Variants in LNX1 observed in about 807,000 individuals in gnomAD.
The protein encoded by LNX1 is E3 ubiquitin-protein ligase LNX.
Under a neutral mutation model 68.4 loss-of-function variants are expected in LNX1, and 54 were observed. That is an observed-to-expected ratio of 0.79 (90% CI 0.63 to 0.99). The LOEUF (loss-of-function observed/expected upper bound fraction) is 0.99, where lower values mean the gene tolerates loss of function less well. Ranked by LOEUF, LNX1 falls within the 50% of genes least tolerant of loss-of-function variation. The pLI is 0.00. For missense variants in LNX1, 906 were observed against 926.4 expected (o/e 0.98, Z 0.29); for synonymous variants, 336 against 350.0 (o/e 0.96, Z 0.45).
At chr4:53,503,361 A>G (rs1725640801) in intron 4 of LNX1, among the ~76,000 whole-genome samples, 1 of 152,266 alleles carries the variant, frequency 6.6e-6, no homozygotes, top group Admixed American at 6.5e-5. Context: ...TATTTCTTAA[A>G]TAATGAGACT....
chr4:53,586,099 G>C (rs1732154419), intron 1 of LNX1, among the ~76,000 whole-genome samples: 1 of 151,836 alleles, frequency 6.6e-6, no homozygotes, highest in Non-Finnish European at 1.5e-5. Flanking sequence ...GATGCTTTCA[G>C]AGATGACTGT....
chr4:53,589,576 T>C (rs1732379943), intron 1 of LNX1, among the ~76,000 whole-genome samples: 1 of 152,228 alleles, frequency 6.6e-6, no homozygotes, highest in African/African-American at 2.4e-5. Context: ...ATTAGCTACC[T>C]CATTTACTTC....
chr4:53,538,653 T>C (rs1487578510), intron 2 of LNX1, among the ~76,000 whole-genome samples: 5 of 152,334 alleles, frequency 3.3e-5, no homozygotes, highest in Middle Eastern at 3.4e-3. Context: ...CCATGTAGCC[T>C]GAGTCTCACT....
In LNX1 at chr4:53,493,192, C is replaced by T. The variant is rs542331195; in HGVS notation, c.1350+2831G>A. 2.2e-3 allele frequency among the ~76,000 whole-genome samples: 334 copies of T among 152,274 alleles called. 2 individuals carry two copies. Among genetic ancestry groups the T allele is most frequent in the African/African-American group, 7.7e-3 (320 of 41,546 alleles). ...CCATGTTGGCCAGGCTGGTCTCGAACTACTGACCTCATGATCTGCCTGCCT... is the reference window on the plus strand; with the variant it reads ...CCATGTTGGCCAGGCTGGTCTCGAATTACTGACCTCATGATCTGCCTGCCT... On this transcript the variant is annotated intron_variant, in intron 6 of 10. Coordinates refer to ENST00000263925, the MANE Select transcript of LNX1 (RefSeq NM_001126328.3).
chr4:53,642,707 C>G (rs1373144791), intron 1 of LNX1, among the ~76,000 whole-genome samples: 1 of 152,184 alleles, frequency 6.6e-6, no homozygotes, highest in African/African-American at 2.4e-5. Context: ...CTCTACTCAC[C>G]AAAATCAGCA....
intron 9 of LNX1, among the ~76,000 whole-genome samples, chr4:53,469,967 G>C (rs548360282): frequency 6.6e-6 from 1 of 152,268 alleles, no homozygotes; most frequent in East Asian, 1.9e-4. Context: ...TAGAAAAAGA[G>C]GGAATCCTCC....
At chr4:53,603,212 G>A (rs1733090262) in intron 2 of LNX1, among the ~76,000 whole-genome samples, 1 of 152,204 alleles carries the variant, frequency 6.6e-6, no homozygotes, top group Non-Finnish European at 1.5e-5. Flanking sequence ...ACTCCAGGGT[G>A]GTTGCAGGGC....
At chr4:53,639,893 C>T (rs1455290597) in intron 1 of LNX1, among the ~76,000 whole-genome samples, 1 of 152,074 alleles carries the variant, frequency 6.6e-6, no homozygotes, top group Non-Finnish European at 1.5e-5. Context: ...ATTAGCCAGG[C>T]ATGTTGGCGC....
At chr4:53,634,921 G>T (rs556343696) in intron 1 of LNX1, among the ~76,000 whole-genome samples, 12 of 151,874 alleles carry the variant, frequency 7.9e-5, no homozygotes, top group Non-Finnish European at 1.5e-4. Flanking sequence ...CACTGCATGG[G>T]CTTAATTGAT....
chr4:53,577,812 T>C (rs755457415), intron 1 of LNX1, among the ~76,000 whole-genome samples: 4 of 152,216 alleles, frequency 2.6e-5, no homozygotes, highest in Non-Finnish European at 5.9e-5. Flanking sequence ...CTAGATCGTG[T>C]ACAACAGTCC....
chr4:53,600,951 G>A (rs1268231413), intron 2 of LNX1, among the ~76,000 whole-genome samples: 2 of 148,762 alleles, frequency 1.3e-5, no homozygotes, highest in African/African-American at 4.9e-5. Context: ...GGCAGTGGGC[G>A]CCTGTAATCC....
intron 2 of LNX1, among the ~76,000 whole-genome samples, chr4:53,536,962 G>A (rs561151342): frequency 2.6e-5 from 4 of 152,216 alleles, no homozygotes; most frequent in Admixed American, 1.3e-4. Flanking sequence ...TCTCTGACTT[G>A]GTGTTAACAG....
chr4:53,601,819 C>T (rs933235296), intron 2 of LNX1, among the ~76,000 whole-genome samples: 3 of 152,160 alleles, frequency 2.0e-5, no homozygotes, highest in African/African-American at 7.2e-5. Context: ...AACCACATGC[C>T]AGGGGTCACT....
intron 2 of LNX1, among the ~76,000 whole-genome samples, chr4:53,537,464 T>G (rs1317692207): frequency 6.6e-6 from 1 of 152,218 alleles, no homozygotes; most frequent in Non-Finnish European, 1.5e-5. Flanking sequence ...CAGATGCAAG[T>G]TCCTTGGAAA....
intron 1 of LNX1, among the ~76,000 whole-genome samples, chr4:53,651,637 GA>G (rs775675588): frequency 9.9e-5 from 15 of 152,158 alleles, no homozygotes; most frequent in Non-Finnish European, 2.2e-4. Flanking sequence ...ATGGAGACAG[GA>G]TGTGCTGCTG....
At chr4:53,553,389 G>T (rs1158584110) in intron 2 of LNX1, among the ~76,000 whole-genome samples, 1 of 152,142 alleles carries the variant, frequency 6.6e-6, no homozygotes, top group African/African-American at 2.4e-5. Context: ...CTCTCCCAAA[G>T]ATTTTCATTT....
chr4:53,494,327 G>A lies in LNX1; in HGVS notation c.1350+1696C>T, dbSNP rs1560625804. 2.6e-5 allele frequency among the ~76,000 whole-genome samples: 4 copies of A among 152,212 alleles called. No individual in the cohort carries two copies. In the South Asian group the frequency reaches 8.3e-4, roughly 32 times the overall value. The stretch of plus-strand genomic sequence containing the variant: ...GATTGTGAGGCCTCCCGAGCCATGT[G>A]GAACTGTGGATCCATTAAACCTCTT... On this transcript the variant is annotated intron_variant, in intron 6 of 10. Coordinates refer to ENST00000263925, the MANE Select transcript of LNX1 (RefSeq NM_001126328.3).
chr4:53,586,327 A>G (rs1299805465), intron 1 of LNX1, among the ~76,000 whole-genome samples: 2 of 152,248 alleles, frequency 1.3e-5, no homozygotes, highest in Non-Finnish European at 2.9e-5. Context: ...AAAAGCAGTC[A>G]TAAGCAAGTT....
intron 1 of LNX1, among the ~76,000 whole-genome samples, chr4:53,636,286 C>A (rs1991972): frequency 0.34 from 48,995 of 144,438 alleles, 8,484 homozygotes; most frequent in East Asian, 0.6. Context: ...ACTTCATTGT[C>A]TTGAAAAAAT....
Sources: allele counts gnomAD v4.1 joint callset (sites outside exome capture counted in the v4.1 genomes callset), GRCh38; gene constraint gnomAD v4.1.1; transcripts MANE v1.5; gene names NCBI Gene and HGNC (gene_info 2026-07-23, HGNC 2026-07-21).